SH3BP4: variants seen among roughly 807,000 people sequenced by gnomAD.
SH3BP4 encodes the protein SH3 domain-binding protein 4.
Under a neutral mutation model 65.5 loss-of-function variants are expected in SH3BP4, and 33 were observed. The ratio of observed to expected loss-of-function variants is 0.50; its 90% CI spans 0.38 to 0.67. The LOEUF is 0.67. Among genes scored for constraint, SH3BP4 ranks in the 30% least tolerant of loss-of-function variants. SH3BP4 has a pLI of 0.00. For missense variants in SH3BP4, 1,134 were observed against 1,261.4 expected, an observed-to-expected ratio of 0.90 and a Z score of 1.53; for synonymous variants, 552 against 545.5, an observed-to-expected ratio of 1.01 and a Z score of -0.17.
Position 235,003,573 on chromosome 2 carries a change from T to C in SH3BP4, c.-133+8197T>C, listed in dbSNP as rs1694199204. On this transcript the variant is annotated intron_variant, in intron 2 of 5. Coordinates refer to ENST00000392011, the MANE Select transcript of SH3BP4 (RefSeq NM_014521.3). ...GAACTAAACTCTCTGGTCTGAGGGG[T>C]GGAGGGGGTCAAATCTTGGTGAGGA... Among the ~76,000 whole-genome samples the C allele has an allele frequency of 2.0e-5, 3 of 152,152 alleles. No individual in the cohort carries two copies. The South Asian group carries it at 6.2e-4, about 32-fold the overall frequency.
At chr2:235,036,735 A>AT in intron 3 of SH3BP4, among the ~76,000 whole-genome samples, 2 of 143,624 alleles carry the variant, frequency 1.4e-5, no homozygotes, top group Non-Finnish European at 3.0e-5. Context: ...GAGACTCTAT[A>AT]TAAAAAATAA....
intron 2 of SH3BP4, among the ~76,000 whole-genome samples, chr2:235,013,218 C>T (rs10194366): frequency 0.12 from 18,091 of 152,184 alleles, 2,729 homozygotes; most frequent in African/African-American, 0.35. Flanking sequence ...TTCAGGCCTC[C>T]GCTGTCCGAG....
chr2:235,041,970 A>G lies in SH3BP4; in HGVS notation c.1201A>G (p.Ile401Val). Reference sequence around the variant, plus strand: ...CTTGGAGATGAAAGTGTCAGCCGAGATAAAAAATGACCTTTTTAGCAAAAG... The same window carrying G: ...CTTGGAGATGAAAGTGTCAGCCGAGGTAAAAAATGACCTTTTTAGCAAAAG... ...IILEMKVSAEIKNDLFSKSTV... is the reference protein window; with the variant it reads ...IILEMKVSAEVKNDLFSKSTV... Residue 401 changes from isoleucine to valine, a missense_variant, in exon 4 of 6, where the codon ATA becomes GTA. Transcript: ENST00000392011. The surrounding 1 kb of genome is among the most constrained non-coding windows in gnomAD (Gnocchi z 6.0). The G allele has an allele frequency of 6.2e-7, 1 of 1,613,386 alleles. No individual in the cohort carries two copies. Among genetic ancestry groups the G allele is most frequent in the Non-Finnish European group, 8.5e-7 (1 of 1,179,468 alleles).
At chr2:234,955,928 T>C (rs921180828) in intron 1 of SH3BP4, among the ~76,000 whole-genome samples, 3 of 152,190 alleles carry the variant, frequency 2.0e-5, no homozygotes, top group Non-Finnish European at 4.4e-5. Context: ...GATTTGAACC[T>C]GGATCTGTCC....
intron 2 of SH3BP4, among the ~76,000 whole-genome samples, chr2:235,019,868 A>T (rs1331506062): frequency 7.7e-6 from 1 of 130,498 alleles, no homozygotes; most frequent in African/African-American, 3.5e-5. Flanking sequence ...TACTCTAAAG[A>T]TTCTTAAAAA....
At chr2:235,031,032 A>T (rs997536547) in intron 2 of SH3BP4, among the ~76,000 whole-genome samples, 1 of 151,960 alleles carries the variant, frequency 6.6e-6, no homozygotes, top group South Asian at 2.1e-4. Context: ...CAGTCTGGGG[A>T]TTTACAGAGC....
At chr2:235,003,121 A>G (rs1212319192) in intron 2 of SH3BP4, among the ~76,000 whole-genome samples, 1 of 152,258 alleles carries the variant, frequency 6.6e-6, no homozygotes, top group Non-Finnish European at 1.5e-5. Context: ...TCAAGCTATC[A>G]CACGTGAATA....
intron 2 of SH3BP4, among the ~76,000 whole-genome samples, chr2:235,021,887 A>G (rs1480029443): frequency 6.6e-6 from 1 of 152,184 alleles, no homozygotes; most frequent in East Asian, 1.9e-4. Flanking sequence ...GAAGGGGACA[A>G]ATTGTTCAGG....
intron 2 of SH3BP4, among the ~76,000 whole-genome samples, chr2:235,015,100 C>T (rs1402967326): frequency 6.6e-6 from 1 of 152,154 alleles, no homozygotes. Flanking sequence ...CCATAGTTGC[C>T]ACAGCTGTCA....
At position 235,052,794 on chromosome 2, in the gene SH3BP4, C is replaced by A; in HGVS notation, c.2667+44C>A. 1 of 1,511,250 alleles carries A rather than the reference C, an allele frequency of 6.6e-7. No individual in the cohort carries two copies. The highest frequency in any genetic ancestry group is 1.4e-5 in the African/African-American group (1 of 72,268). The allele number at this position is 1,511,250 out of a possible 1,614,324, so 93.6% of individuals were successfully genotyped here. A position where few individuals can be genotyped will look rare whatever the true frequency, so the allele number is the denominator to read the frequency against. The stretch of plus-strand genomic sequence containing the variant: ...TCGAGCTCACCGAGCCCCTCTGTCC[C>A]TGGGTTCCGTGGACCCATGCAGTGC... On this transcript the variant is annotated intron_variant, in intron 5 of 5. Coordinates refer to ENST00000392011, the MANE Select transcript of SH3BP4 (RefSeq NM_014521.3). This position sits in a 1 kb window ranked among gnomAD's most constrained non-coding sequence, Gnocchi z 5.0.
Position 235,052,746 on chromosome 2 carries a change from G to A in SH3BP4, c.2663G>A (p.Ser888Asn), listed in dbSNP as rs770853910. 1.9e-6 allele frequency: 3 copies of A among 1,588,908 alleles called. No homozygotes were observed. Among genetic ancestry groups the A allele is most frequent in the Admixed American group, 1.8e-5 (1 of 57,112 alleles). The part of the protein sequence containing the change: ...PHRDRNGVVD[S>N]EAMWKPAYDF... ...CGGGACAGGAACGGGGTTGTGGACA[G>A]CGAGGTGAGCAGCGGCTGAGCTTCG... Residue 888 changes from serine to asparagine, a missense_variant, in exon 5 of 6, where the codon AGC becomes AAC. Ser to Asn is a conservative substitution (Grantham distance 46, BLOSUM62 1). Transcript: ENST00000392011. The surrounding 1 kb of genome is among the most constrained non-coding windows in gnomAD (Gnocchi z 5.0).
chr2:235,038,341 AT>A (rs1315253743), intron 3 of SH3BP4, among the ~76,000 whole-genome samples: 1 of 17,018 alleles, frequency 5.9e-5, no homozygotes, highest in African/African-American at 3.9e-4. Flanking sequence ...TATATATAGT[AT>A]ATATATTTTA....
rs1695348927 is a variant in SH3BP4 at position 235,035,448 on chromosome 2, A to C, written c.118+328A>C. ...TGTGGCAAGTAGATGAAATATTGAG[A>C]ACCACTAGAGAAGAAAAAAGGTAGC... On this transcript the variant is annotated intron_variant, in intron 3 of 5. Transcript: ENST00000392011. This position sits in a 1 kb window ranked among gnomAD's most constrained non-coding sequence, Gnocchi z 5.0. Among the ~76,000 whole-genome samples the C allele has an allele frequency of 6.6e-6, 1 of 152,198 alleles. No homozygotes were observed. Among genetic ancestry groups the C allele is most frequent in the South Asian group, 2.1e-4 (1 of 4,826 alleles).
intron 2 of SH3BP4, among the ~76,000 whole-genome samples, chr2:235,009,243 A>G (rs1694396942): frequency 6.6e-6 from 1 of 152,146 alleles, no homozygotes; most frequent in African/African-American, 2.4e-5. Flanking sequence ...TGCAGGTGCC[A>G]TCCGGCCTGC....
chr2:234,996,708 A>G (rs755214661), intron 2 of SH3BP4, among the ~76,000 whole-genome samples: 10 of 152,206 alleles, frequency 6.6e-5, no homozygotes, highest in African/African-American at 1.2e-4. Context: ...GGGGGTTTCT[A>G]AAATCAAAGG....
At chr2:234,975,282 A>G (rs530605642) in intron 1 of SH3BP4, among the ~76,000 whole-genome samples, 53 of 152,244 alleles carry the variant, frequency 3.5e-4, no homozygotes, top group African/African-American at 1.2e-3. Context: ...GCAGGGTGCT[A>G]TGGCTGGAGC....
At chr2:234,963,601 A>C (rs1692766640) in intron 1 of SH3BP4, among the ~76,000 whole-genome samples, 1 of 152,244 alleles carries the variant, frequency 6.6e-6, no homozygotes, top group African/African-American at 2.4e-5. Flanking sequence ...TAGGATGCAC[A>C]CATACATGCC....
chr2:234,967,935 T>G lies in SH3BP4; in HGVS notation c.-207+15765T>G, dbSNP rs1274004869. Among the ~76,000 whole-genome samples the G allele has an allele frequency of 6.6e-6, 1 of 152,188 alleles. No individual in the cohort carries two copies. Among genetic ancestry groups the G allele is most frequent in the Non-Finnish European group, 1.5e-5 (1 of 68,034 alleles). ...CATTGTGTGTTCATCTAAGAGTTAG[T>G]GCAGGACCGGAAGCTCCCACCCAGA... is the stretch of plus-strand genomic sequence containing the variant. On this transcript the variant is annotated intron_variant, in intron 1 of 5. Coordinates refer to ENST00000392011, the MANE Select transcript of SH3BP4 (RefSeq NM_014521.3). The surrounding 1 kb of genome is among the most constrained non-coding windows in gnomAD (Gnocchi z 4.6).
At chr2:234,982,584 G>A (rs1025239877) in intron 1 of SH3BP4, among the ~76,000 whole-genome samples, 1 of 152,206 alleles carries the variant, frequency 6.6e-6, no homozygotes, top group Non-Finnish European at 1.5e-5. Context: ...TGGCAGGTGG[G>A]CTATCCCCGA....
Sources: gnomAD v4.1 joint callset for allele counts (sites outside exome capture counted in the v4.1 genomes callset) on GRCh38, gnomAD v4.1.1 for gene constraint, Gnocchi (gnomAD v3.1) non-coding constraint, MANE v1.5 for transcripts, NCBI Gene and HGNC (gene_info 2026-07-23, HGNC 2026-07-21) for gene names.